The following FANK1 variants were observed in gnomAD, a reference collection of about 807,000 sequenced individuals.
The protein encoded by FANK1 is fibronectin type III and ankyrin repeat domains 1, also known as fibronectin type 3 and ankyrin repeat domains protein 1.
A neutral mutation model predicts 45.3 loss-of-function variants in FANK1; 44 were observed. The observed-to-expected ratio is 0.97, with a 90% CI of 0.76 to 1.25. FANK1 has a LOEUF of 1.25. FANK1 is among the 50% of genes most tolerant of loss of function. The pLI, the probability that FANK1 is intolerant of heterozygous loss-of-function variation, is 0.00. For missense variants in FANK1, 391 were observed against 424.4 expected (o/e 0.92, Z 0.69); for synonymous variants, 149 against 152.5 (o/e 0.98, Z 0.17).
chr10:125,940,241 C>CT (rs1474820775), intron 1 of FANK1, among the ~76,000 whole-genome samples: 1 of 152,144 alleles, frequency 6.6e-6, no homozygotes. Flanking sequence ...GCACCGGTCT[C>CT]TGAGTTTCCT....
chr10:125,998,087 A>G (rs1313296939), intron 6 of FANK1, among the ~76,000 whole-genome samples: 1 of 152,250 alleles, frequency 6.6e-6, no homozygotes, highest in African/African-American at 2.4e-5. Context: ...TCATTCATCA[A>G]TAAATTCCAA....
chr10:125,934,147 T>G (rs906398634), intron 1 of FANK1, among the ~76,000 whole-genome samples: 3 of 152,192 alleles, frequency 2.0e-5, no homozygotes, highest in Non-Finnish European at 4.4e-5. Context: ...TACAATCAGT[T>G]AAATAGCTAA....
chr10:125,902,286 T>G (rs1330757520), intron 1 of FANK1, among the ~76,000 whole-genome samples: 3 of 152,218 alleles, frequency 2.0e-5, no homozygotes, highest in Non-Finnish European at 2.9e-5. Flanking sequence ...AAATTCTACT[T>G]TCTTCACTCG....
intron 1 of FANK1, among the ~76,000 whole-genome samples, chr10:125,899,006 C>CA (rs1944815480): frequency 2.0e-5 from 3 of 151,330 alleles, no homozygotes; most frequent in Non-Finnish European, 4.4e-5. Flanking sequence ...GCAATCCTCT[C>CA]ACCTGAGCCT....
chr10:125,928,261 C>CTTTTTTTTTTT lies in FANK1; in HGVS notation c.13+31614_13+31624dup, dbSNP rs34889746. On this transcript the variant is annotated intron_variant, in intron 1 of 10. Transcript: ENST00000368693. ...TAAACAAGGGGTGGATTATTCGTGC[C>CTTTTTTTTTTT]TTTTTTTTTTTTTTTTTTAAAGACC... Among the ~76,000 whole-genome samples the CTTTTTTTTTTT allele has an allele frequency of 4.4e-5, 6 of 137,722 alleles. 2 individuals are homozygous for CTTTTTTTTTTT. The highest frequency in any genetic ancestry group is 7.6e-5 in the Non-Finnish European group (5 of 65,400). 90.4% of individuals were successfully genotyped at this position (137,722 alleles called of 152,430 possible).
At chr10:126,003,277 A>T (rs563455194) in intron 6 of FANK1, among the ~76,000 whole-genome samples, 1 of 152,074 alleles carries the variant, frequency 6.6e-6, no homozygotes, top group East Asian at 1.9e-4. Context: ...TAAGGGCTCT[A>T]TTAGGTTGGG....
rs1949350510 is a variant in FANK1, at chr10:125,952,990, C to T, written c.14-27171C>T. On this transcript the variant is annotated intron_variant, in intron 1 of 10. Transcript: ENST00000368693. ...TGCTGTGTTCTCTTCCTCACAGCTG[C>T]TGACTTCAGGATACTGGTCAGCCTC... is the stretch of plus-strand genomic sequence containing the variant. Among the ~76,000 whole-genome samples the T allele has an allele frequency of 2.6e-5, 4 of 152,162 alleles. No individual in the cohort carries two copies. The South Asian group carries it at 8.3e-4, about 32-fold the overall frequency.
chr10:125,996,209 TCAG>T (rs1308104219), intron 4 of FANK1, among the ~76,000 whole-genome samples: 5 of 152,208 alleles, frequency 3.3e-5, no homozygotes, highest in African/African-American at 1.2e-4. Context: ...GAGCTGAGAG[TCAG>T]CAGTGAAGAC....
intron 6 of FANK1, among the ~76,000 whole-genome samples, chr10:125,999,983 C>A (rs1047229409): frequency 1.3e-5 from 2 of 151,972 alleles, no homozygotes; most frequent in African/African-American, 2.4e-5. Flanking sequence ...AAGTGGACAG[C>A]TACAAGGCAA....
At chr10:125,986,097 G>A (rs1165565533) in intron 2 of FANK1, among the ~76,000 whole-genome samples, 1 of 152,126 alleles carries the variant, frequency 6.6e-6, no homozygotes, top group East Asian at 1.9e-4. Context: ...ATGTTCCTGC[G>A]GGGATGGTGG....
At chr10:125,992,869 T>A (rs927422701) in intron 3 of FANK1, among the ~76,000 whole-genome samples, 20 of 151,496 alleles carry the variant, frequency 1.3e-4, no homozygotes, top group African/African-American at 4.4e-4. Context: ...CCTTTCTTTT[T>A]TAACACTTTG....
intron 1 of FANK1, chr10:125,979,769 T>C (rs916104204): frequency 3.3e-5 from 15 of 458,402 alleles, no homozygotes; most frequent in African/African-American, 2.6e-4. Flanking sequence ...TTGTCATCTA[T>C]GTTCCACATA....
intron 6 of FANK1, among the ~76,000 whole-genome samples, chr10:126,003,177 A>G (rs922144735): frequency 2.0e-5 from 3 of 148,128 alleles, no homozygotes; most frequent in Non-Finnish European, 4.5e-5. Context: ...AGAATGTCCT[A>G]TGTTCTGGAT....
At chr10:126,001,835 G>A (rs1952780698) in intron 6 of FANK1, among the ~76,000 whole-genome samples, 1 of 151,928 alleles carries the variant, frequency 6.6e-6, no homozygotes, top group Admixed American at 6.6e-5. Context: ...TCCGGGGCTG[G>A]AGTCTCTGGA....
intron 8 of FANK1, 95 bp from the exon 9 acceptor site, chr10:126,008,959 C>A: frequency 8.5e-7 from 1 of 1,182,260 alleles, no homozygotes. Context: ...TGCAGGGGGG[C>A]TGCTGGGACC....
intron 1 of FANK1, among the ~76,000 whole-genome samples, chr10:125,949,879 C>T (rs2134164629): frequency 6.9e-6 from 1 of 145,978 alleles, no homozygotes; most frequent in South Asian, 2.3e-4. Flanking sequence ...TACAAGGCTA[C>T]AGTAACCAAA....
intron 7 of FANK1, among the ~76,000 whole-genome samples, chr10:126,006,888 A>G (rs765949832): frequency 6.6e-6 from 1 of 152,166 alleles, no homozygotes; most frequent in Non-Finnish European, 1.5e-5. Context: ...CAATAGGGCA[A>G]ATCTCTGCTA....
chr10:125,957,228 C>T (rs1949636287), intron 1 of FANK1, among the ~76,000 whole-genome samples: 1 of 152,174 alleles, frequency 6.6e-6, no homozygotes, highest in Non-Finnish European at 1.5e-5. Context: ...TGCACAAGAA[C>T]CTTACGACAG....
rs746603804 is a variant in FANK1, at chr10:126,009,344, A to G, written c.973-29A>G. The G allele has an allele frequency of 1.1e-5, 17 of 1,613,940 alleles. No homozygotes were observed. The East Asian group carries it at 3.6e-4, about 34-fold the overall frequency. ...AGAAAAACCACCAAAACCCTGGATTACATTCGCCTGTCTGTTTTGTTTATC... is the reference window on the plus strand; with the variant it reads ...AGAAAAACCACCAAAACCCTGGATTGCATTCGCCTGTCTGTTTTGTTTATC... On this transcript the variant is annotated intron_variant, in intron 10 of 10. Coordinates refer to ENST00000368693, the MANE Select transcript of FANK1 (RefSeq NM_145235.5).
Sources: allele counts gnomAD v4.1 joint callset (sites outside exome capture counted in the v4.1 genomes callset), GRCh38; gene constraint gnomAD v4.1.1; transcripts MANE v1.5; gene names NCBI Gene and HGNC (gene_info 2026-07-23, HGNC 2026-07-21).